The following GRIP1 variants were observed in gnomAD, a reference collection of about 807,000 sequenced individuals.
The protein encoded by GRIP1 is glutamate receptor interacting protein 1.
A neutral mutation model predicts 129.9 loss-of-function variants in GRIP1; 45 were observed. That is an observed-to-expected ratio of 0.35 (90% confidence interval 0.27 to 0.44). GRIP1 has a LOEUF of 0.44. Ranked by LOEUF, GRIP1 falls within the 20% of genes least tolerant of loss-of-function variation. The pLI, the probability that GRIP1 is intolerant of heterozygous loss-of-function variation, is 1.00. For synonymous variants in GRIP1, 530 were observed against 520.8 expected (o/e 1.02, Z -0.24); for missense variants, 1,196 against 1,396.8 (o/e 0.86, Z 2.29).
At chr12:66,686,256 G>A (rs2034780848) in intron 1 of GRIP1, among the ~76,000 whole-genome samples, 1 of 152,172 alleles carries the variant, frequency 6.6e-6, no homozygotes, top group South Asian at 2.1e-4. Flanking sequence ...CACCAAATAT[G>A]AAGAAACATA....
chr12:66,925,364 T>TA (rs35250032), intron 1 of GRIP1, among the ~76,000 whole-genome samples: 2 of 151,878 alleles, frequency 1.3e-5, no homozygotes, highest in Non-Finnish European at 2.9e-5. Context: ...ATAAGTATGC[T>TA]AAAAAAGGCA....
chr12:66,947,268 G>C (rs2041688054), intron 1 of GRIP1, among the ~76,000 whole-genome samples: 1 of 152,170 alleles, frequency 6.6e-6, no homozygotes, highest in Non-Finnish European at 1.5e-5. Flanking sequence ...CCTGTTCCCA[G>C]AGATTCTACT....
chr12:66,814,461 A>G (rs983075376), intron 1 of GRIP1, among the ~76,000 whole-genome samples: 7 of 152,120 alleles, frequency 4.6e-5, no homozygotes, highest in Admixed American at 3.9e-4. Context: ...CTGTGAGTTC[A>G]AGGTAGAACT....
At chr12:66,556,283 G>A (rs2062330606) in intron 2 of GRIP1, among the ~76,000 whole-genome samples, 1 of 152,028 alleles carries the variant, frequency 6.6e-6, no homozygotes, top group Non-Finnish European at 1.5e-5. Flanking sequence ...CATATTTAAA[G>A]TACTGAAAGA....
At chr12:66,859,808 C>T (rs1473890357) in intron 1 of GRIP1, among the ~76,000 whole-genome samples, 1 of 152,042 alleles carries the variant, frequency 6.6e-6, no homozygotes, top group African/African-American at 2.4e-5. Flanking sequence ...CACTAACTAG[C>T]AGGCAGCACC....
intron 2 of GRIP1, among the ~76,000 whole-genome samples, chr12:66,596,238 T>C (rs2064045175): frequency 6.6e-6 from 1 of 152,214 alleles, no homozygotes; most frequent in Admixed American, 6.5e-5. Context: ...TTTTGTGTCA[T>C]TCACAAATCA....
At position 66,542,722 on chromosome 12, in the gene GRIP1, A is replaced by G. The variant is rs1019023721; in HGVS notation, c.137-772T>C. On this transcript the variant is annotated intron_variant, in intron 2 of 24. Coordinates refer to ENST00000359742, the MANE Select transcript of GRIP1 (RefSeq NM_001366722.1). ...GAATATCCTTCCCTTCAAAAATAAA[A>G]ATGAGTAGAGTCAATATTTACCTTC... is the stretch of plus-strand genomic sequence containing the variant. 3.9e-5 allele frequency among the ~76,000 whole-genome samples: 6 copies of G among 152,344 alleles called. No homozygotes were observed. In the East Asian group the frequency reaches 1.2e-3, roughly 29 times the overall value.
In GRIP1 at chr12:67,049,071, C is replaced by T. The variant is rs149367854; in HGVS notation, c.58+19979G>A. Among the ~76,000 whole-genome samples, 487 of 152,224 alleles carry T rather than the reference C, an allele frequency of 3.2e-3. 1 individual carries two copies. Among genetic ancestry groups the T allele is most frequent in the South Asian group, 0.011 (54 of 4,810 alleles). On this transcript the variant is annotated intron_variant, in intron 1 of 1. Transcript: ENST00000643019. ...AACACCTGGCCTCAAGCAATCCTCC[C>T]ACCTCAGCCTTACACAGTGCTAGGA...
At chr12:66,482,971 T>C (rs977850316) in intron 7 of GRIP1, among the ~76,000 whole-genome samples, 38 of 152,326 alleles carry the variant, frequency 2.5e-4, no homozygotes, top group South Asian at 4.1e-4. Context: ...GCATGCTGGG[T>C]TGATTTATGG....
intron 1 of GRIP1, among the ~76,000 whole-genome samples, chr12:66,829,478 G>C (rs1007294698): frequency 1.3e-5 from 2 of 152,106 alleles, no homozygotes; most frequent in African/African-American, 4.8e-5. Flanking sequence ...AAGCCACCAA[G>C]CTTGTGGTAA....
intron 7 of GRIP1, among the ~76,000 whole-genome samples, chr12:66,511,673 T>C (rs1824721913): frequency 6.6e-6 from 1 of 152,184 alleles, no homozygotes; most frequent in Non-Finnish European, 1.5e-5. Context: ...TGTTTCTTTT[T>C]CTGGCATCAC....
At chr12:66,635,761 C>T (rs890687047) in intron 1 of GRIP1, among the ~76,000 whole-genome samples, 4 of 151,960 alleles carry the variant, frequency 2.6e-5, no homozygotes, top group African/African-American at 9.7e-5. Context: ...TACCAGTTAC[C>T]CATTAAAAAT....
chr12:66,713,624 G>A (rs538114798), intron 1 of GRIP1, among the ~76,000 whole-genome samples: 2 of 152,108 alleles, frequency 1.3e-5, no homozygotes, highest in East Asian at 1.9e-4. Flanking sequence ...TCACCCACCA[G>A]ACGCATCCTT....
intron 1 of GRIP1, among the ~76,000 whole-genome samples, chr12:66,709,775 T>G (rs1267625619): frequency 6.6e-6 from 1 of 151,976 alleles, no homozygotes; most frequent in Admixed American, 6.6e-5. Flanking sequence ...GCAGCACAAG[T>G]GCAGGAGCAA....
intron 1 of GRIP1, among the ~76,000 whole-genome samples, chr12:66,655,187 A>G (rs1159985573): frequency 6.6e-6 from 1 of 152,096 alleles, no homozygotes; most frequent in Non-Finnish European, 1.5e-5. Context: ...ACTATCCCCA[A>G]ATGGGGGTTG....
intron 7 of GRIP1, among the ~76,000 whole-genome samples, chr12:66,487,597 T>C (rs1015036492): frequency 6.6e-6 from 1 of 152,100 alleles, no homozygotes; most frequent in African/African-American, 2.4e-5. Context: ...AATAACCAGC[T>C]AGCATCATGA....
At chr12:67,045,737 G>GA (rs2043243540) in intron 1 of GRIP1, among the ~76,000 whole-genome samples, 1 of 152,198 alleles carries the variant, frequency 6.6e-6, no homozygotes, top group South Asian at 2.1e-4. Context: ...GGGCAGTCCA[G>GA]ACCACCCTGG....
intron 1 of GRIP1, among the ~76,000 whole-genome samples, chr12:67,023,272 T>G (rs960733479): frequency 2.6e-5 from 4 of 152,224 alleles, no homozygotes; most frequent in Non-Finnish European, 4.4e-5. Flanking sequence ...ATTTTACATT[T>G]AAGTCTATGA....
At chr12:66,438,071 T>C (rs1451918957) in intron 13 of GRIP1, among the ~76,000 whole-genome samples, 1 of 152,258 alleles carries the variant, frequency 6.6e-6, no homozygotes. Flanking sequence ...TAACCATTAA[T>C]GTTGTGTTAT....
Sources: gnomAD v4.1 joint callset for allele counts (sites outside exome capture counted in the v4.1 genomes callset) on GRCh38, gnomAD v4.1.1 for gene constraint, MANE v1.5 for transcripts, NCBI Gene and HGNC (gene_info 2026-07-23, HGNC 2026-07-21) for gene names.